The following CLDN10 variants were observed in gnomAD, a reference collection of about 807,000 sequenced individuals.
CLDN10 encodes claudin 10.
In CLDN10, 15 loss-of-function variants were observed where a neutral mutation model predicts 22.9. The ratio of observed to expected loss-of-function variants is 0.65; its 90% CI spans 0.44 to 1.01. The LOEUF is 1.01. Among genes scored for constraint, CLDN10 ranks in the 50% least tolerant of loss-of-function variants. The pLI, the probability that CLDN10 is intolerant of heterozygous loss-of-function variation, is 0.00. For missense variants in CLDN10, 247 were observed against 287.8 expected (o/e 0.86, Z 1.03); for synonymous variants, 114 against 111.4 (o/e 1.02, Z -0.15).
At chr13:95,567,882 G>T (rs2043805589) in intron 3 of CLDN10, among the ~76,000 whole-genome samples, 1 of 152,204 alleles carries the variant, frequency 6.6e-6, no homozygotes, top group Non-Finnish European at 1.5e-5. Context: ...GGATAATCAT[G>T]TGGTTTTTGT....
chr13:95,510,952 A>T (rs1422916719), intron 1 of CLDN10, among the ~76,000 whole-genome samples: 1 of 152,174 alleles, frequency 6.6e-6, no homozygotes, highest in African/African-American at 2.4e-5. Flanking sequence ...GTACTAAGAA[A>T]ATGTTCAGGG....
chr13:95,499,953 A>C (rs562451791), intron 1 of CLDN10, among the ~76,000 whole-genome samples: 2 of 152,282 alleles, frequency 1.3e-5, no homozygotes, highest in South Asian at 2.1e-4. Context: ...AAAATTTCAT[A>C]ATGTTTTAAG....
chr13:95,504,620 T>C (rs368334678), intron 1 of CLDN10, among the ~76,000 whole-genome samples: 199 of 152,326 alleles, frequency 1.3e-3, no homozygotes, highest in African/African-American at 4.7e-3. Flanking sequence ...CCTCAGGTGA[T>C]CTGCCTGCCT....
At chr13:95,556,329 A>G (rs544355901) in intron 1 of CLDN10, among the ~76,000 whole-genome samples, 2 of 152,328 alleles carry the variant, frequency 1.3e-5, no homozygotes, top group South Asian at 4.1e-4. Flanking sequence ...TACAGGCATG[A>G]GCCATGCGCC....
At chr13:95,502,903 C>T (rs1336863943) in intron 1 of CLDN10, among the ~76,000 whole-genome samples, 2 of 151,966 alleles carry the variant, frequency 1.3e-5, no homozygotes, top group Non-Finnish European at 2.9e-5. Context: ...GCAAAGATGT[C>T]CTGTTTCTGG....
intron 3 of CLDN10, 67 bp downstream of exon 3, chr13:95,560,530 G>A: frequency 7.9e-7 from 1 of 1,268,160 alleles, no homozygotes; most frequent in South Asian, 1.3e-5. Flanking sequence ...TCTCAACCAA[G>A]AGACATGAAT....
intron 1 of CLDN10, among the ~76,000 whole-genome samples, chr13:95,537,193 A>T (rs1322332581): frequency 6.6e-6 from 1 of 152,218 alleles, no homozygotes; most frequent in Non-Finnish European, 1.5e-5. Context: ...TTTAGGATGT[A>T]TTTCCATTCT....
At chr13:95,467,854 G>C (rs1375933325) in intron 1 of CLDN10, among the ~76,000 whole-genome samples, 1 of 152,172 alleles carries the variant, frequency 6.6e-6, no homozygotes, top group African/African-American at 2.4e-5. Context: ...AGGAAGAGCT[G>C]ATGTTTCAGT....
At chr13:95,446,737 G>T (rs1480235456) in intron 1 of CLDN10, among the ~76,000 whole-genome samples, 2 of 152,126 alleles carry the variant, frequency 1.3e-5, no homozygotes, top group Non-Finnish European at 2.9e-5. Flanking sequence ...AGCTATTTGG[G>T]AGGCTGAGGC....
intron 3 of CLDN10, among the ~76,000 whole-genome samples, chr13:95,571,209 A>G (rs536778277): frequency 1.2e-4 from 19 of 152,220 alleles, no homozygotes; most frequent in African/African-American, 4.6e-4. Context: ...TATACAATTT[A>G]TAGAATTCTG....
chr13:95,526,769 A>G (rs527660580), intron 1 of CLDN10, among the ~76,000 whole-genome samples: 2 of 150,884 alleles, frequency 1.3e-5, no homozygotes, highest in Non-Finnish European at 3.0e-5. Flanking sequence ...CCTGGGCAAT[A>G]AGAGTGAAAT....
intron 3 of CLDN10, among the ~76,000 whole-genome samples, chr13:95,573,561 C>T (rs2043888116): frequency 2.4e-5 from 2 of 84,816 alleles, no homozygotes; most frequent in South Asian, 8.8e-4. Flanking sequence ...GAAAGATTTC[C>T]AGACAGAGAC....
intron 1 of CLDN10, among the ~76,000 whole-genome samples, chr13:95,450,498 A>G (rs548832183): frequency 1.8e-4 from 27 of 152,288 alleles, no homozygotes; most frequent in South Asian, 4.1e-4. Context: ...CTTTTCCCAC[A>G]GCGCTGATCC....
intron 1 of CLDN10, among the ~76,000 whole-genome samples, chr13:95,501,858 TTTTG>T (rs1463377474): frequency 1.3e-5 from 2 of 152,202 alleles, no homozygotes; most frequent in African/African-American, 4.8e-5. Context: ...TCCAGCTGCT[TTTTG>T]TTCTTCTTTT....
intron 1 of CLDN10, among the ~76,000 whole-genome samples, chr13:95,516,015 A>C (rs1159873752): frequency 2.6e-5 from 4 of 152,062 alleles, no homozygotes; most frequent in African/African-American, 4.8e-5. Flanking sequence ...CGGAGGTTGC[A>C]GTGAGCTGAG....
intron 1 of CLDN10, among the ~76,000 whole-genome samples, chr13:95,472,992 T>C (rs115990954): frequency 0.011 from 1,746 of 151,868 alleles, 24 homozygotes; most frequent in African/African-American, 0.04. Flanking sequence ...ATTTAAAAAT[T>C]AGTTGGGTGT....
At chr13:95,465,560 A>G (rs1482183623) in intron 1 of CLDN10, among the ~76,000 whole-genome samples, 1 of 152,230 alleles carries the variant, frequency 6.6e-6, no homozygotes, top group Non-Finnish European at 1.5e-5. Context: ...ATTCACTACA[A>G]AAATACTCAC....
At chr13:95,443,549 G>C (rs2042344441) in intron 1 of CLDN10, among the ~76,000 whole-genome samples, 1 of 152,188 alleles carries the variant, frequency 6.6e-6, no homozygotes, top group Admixed American at 6.5e-5. Context: ...CAGGAGCTGG[G>C]TGGGAAACCA....
intron 1 of CLDN10, among the ~76,000 whole-genome samples, chr13:95,554,470 C>T (rs1378541767): frequency 6.6e-6 from 1 of 152,096 alleles, no homozygotes; most frequent in Non-Finnish European, 1.5e-5. Context: ...TACATGTCTG[C>T]AGTGAGAGTG....
Sources: allele counts gnomAD v4.1 joint callset (sites outside exome capture counted in the v4.1 genomes callset), GRCh38; gene constraint gnomAD v4.1.1; transcripts MANE v1.5; gene names NCBI Gene and HGNC (gene_info 2026-07-23, HGNC 2026-07-21).